Variants in BRINP3 observed in about 807,000 individuals in gnomAD.
BRINP3 encodes the protein BMP/retinoic acid inducible neural specific 3.
BRINP3 carries 19 observed loss-of-function variants against 71.0 expected under a neutral mutation model. That is an observed-to-expected ratio of 0.27 (90% CI 0.19 to 0.39). The LOEUF is 0.39. BRINP3 is among the 10% of genes least tolerant of loss of function. The pLI, the probability that BRINP3 is intolerant of heterozygous loss-of-function variation, is 1.00. For synonymous variants in BRINP3, 380 were observed against 337.7 expected, an observed-to-expected ratio of 1.13 and a Z score of -1.37; for missense variants, 959 against 940.8, an observed-to-expected ratio of 1.02 and a Z score of -0.25.
chr1:190,327,326 CAAAAAAAAAAAAAAA>C (rs1227478693), intron 2 of BRINP3, among the ~76,000 whole-genome samples: 1 of 44,232 alleles, frequency 2.3e-5, no homozygotes, highest in Admixed American at 3.1e-4. Context: ...AAAAAAAGAA[CAAAAAAAAAAAAAAA>C]AAAAAAAAAG....
chr1:190,197,808 T>A (rs1314515617), intron 6 of BRINP3, among the ~76,000 whole-genome samples: 1 of 152,160 alleles, frequency 6.6e-6, no homozygotes, highest in African/African-American at 2.4e-5. Context: ...GGTCTACCAT[T>A]CTGGGGTCTG....
At chr1:190,099,922 CT>C (rs1254309162) in intron 7 of BRINP3, among the ~76,000 whole-genome samples, 1 of 151,958 alleles carries the variant, frequency 6.6e-6, no homozygotes, top group South Asian at 2.1e-4. Context: ...TTCTGATTTT[CT>C]CGCATTATTT....
intron 4 of BRINP3, among the ~76,000 whole-genome samples, chr1:190,244,623 GCAAT>G (rs1200652835): frequency 6.6e-6 from 1 of 152,062 alleles, no homozygotes; most frequent in African/African-American, 2.4e-5. Context: ...TGCACACAAA[GCAAT>G]CTGTCACTGT....
chr1:190,324,980 A>G (rs1666484118), intron 2 of BRINP3, among the ~76,000 whole-genome samples: 1 of 151,912 alleles, frequency 6.6e-6, no homozygotes, highest in South Asian at 2.1e-4. Context: ...AGATGACTAA[A>G]CCAAAAGATT....
chr1:190,308,857 G>A (rs1199622983), intron 2 of BRINP3, among the ~76,000 whole-genome samples: 2 of 151,810 alleles, frequency 1.3e-5, no homozygotes, highest in African/African-American at 2.4e-5. Flanking sequence ...CTAAAATGGT[G>A]CAGACACTGT....
intron 2 of BRINP3, among the ~76,000 whole-genome samples, chr1:190,355,075 A>G (rs1187725779): frequency 6.6e-6 from 1 of 151,842 alleles, no homozygotes; most frequent in Non-Finnish European, 1.5e-5. Context: ...AATCCCTTAA[A>G]TCATATATGA....
At chr1:190,359,074 T>C (rs1668950182) in intron 2 of BRINP3, among the ~76,000 whole-genome samples, 1 of 151,908 alleles carries the variant, frequency 6.6e-6, no homozygotes, top group Non-Finnish European at 1.5e-5. Context: ...GACAAGTTAA[T>C]GGGTGCAGCA....
intron 7 of BRINP3, among the ~76,000 whole-genome samples, chr1:190,103,192 A>G (rs1266559351): frequency 1.3e-5 from 2 of 151,982 alleles, no homozygotes; most frequent in Non-Finnish European, 2.9e-5. Flanking sequence ...ATTCAAGCAA[A>G]TATTTGTTCA....
At chr1:190,226,466 G>T in intron 5 of BRINP3, 148 bp from the exon 6 acceptor site, 1 of 471,598 alleles carries the variant, frequency 2.1e-6, no homozygotes, top group Non-Finnish European at 3.7e-6. Context: ...AAATATCTAA[G>T]TCTATATGCT....
intron 4 of BRINP3, 87 bp downstream of exon 4, chr1:190,264,778 G>A: frequency 3.0e-6 from 3 of 1,012,562 alleles, no homozygotes; most frequent in Non-Finnish European, 4.3e-6. Flanking sequence ...TTAAATTCAT[G>A]GAATAAGCAA....
At chr1:190,334,284 C>T (rs1195553983) in intron 2 of BRINP3, among the ~76,000 whole-genome samples, 1 of 151,776 alleles carries the variant, frequency 6.6e-6, no homozygotes, top group Non-Finnish European at 1.5e-5. Context: ...TCAAGGAACA[C>T]TCTTGTCCAT....
Position 190,364,437 on chromosome 1 carries a change from A to T in BRINP3, c.237-82687T>A, listed in dbSNP as rs556296756. On this transcript the variant is annotated intron_variant, in intron 2 of 7. Transcript: ENST00000367462. ...ATTTTCAGTCTCTATATCTGATATC[A>T]GTATCAGACTATGCAATAAACAACG... 1.1e-4 allele frequency among the ~76,000 whole-genome samples: 16 copies of T among 152,190 alleles called. 2 individuals are homozygous for T. In the South Asian group the frequency reaches 3.3e-3, roughly 32 times the overall value.
At chr1:190,199,444 C>T (rs955222510) in intron 6 of BRINP3, among the ~76,000 whole-genome samples, 4 of 152,078 alleles carry the variant, frequency 2.6e-5, no homozygotes, top group African/African-American at 7.2e-5. Flanking sequence ...AAATGTCCAA[C>T]GTTTGATAGA....
rs1375182746 is a variant in BRINP3, at chr1:190,376,419, C to A, written c.236+78236G>T. Among the ~76,000 whole-genome samples, 3 of 152,122 alleles carry A rather than the reference C, an allele frequency of 2.0e-5. No homozygotes were observed. The East Asian group carries it at 5.8e-4, about 29-fold the overall frequency. On this transcript the variant is annotated intron_variant, in intron 2 of 7. Coordinates refer to ENST00000367462, the MANE Select transcript of BRINP3 (RefSeq NM_199051.3). ...GTGCTGTTAAATGAAATCAGGCTAT[C>A]ATCTGTCTGCCTACTTATTTATAAC...
At chr1:190,268,158 A>C (rs1661813165) in intron 3 of BRINP3, among the ~76,000 whole-genome samples, 1 of 152,160 alleles carries the variant, frequency 6.6e-6, no homozygotes, top group African/African-American at 2.4e-5. Flanking sequence ...ATATTAACAC[A>C]TCCAGAAACA....
intron 6 of BRINP3, among the ~76,000 whole-genome samples, chr1:190,217,396 C>T (rs1353809752): frequency 2.0e-5 from 3 of 151,880 alleles, no homozygotes; most frequent in South Asian, 2.1e-4. Flanking sequence ...AAAACTATTA[C>T]ATGTGCTCTT....
intron 2 of BRINP3, among the ~76,000 whole-genome samples, chr1:190,412,625 G>C: frequency 6.7e-6 from 1 of 150,204 alleles, no homozygotes; most frequent in Non-Finnish European, 1.5e-5. Context: ...ACTACGCCCG[G>C]CTAATTTTTT....
chr1:190,227,547 C>A (rs182638157), intron 5 of BRINP3, among the ~76,000 whole-genome samples: 1 of 151,502 alleles, frequency 6.6e-6, no homozygotes, highest in Non-Finnish European at 1.5e-5. Context: ...ATAAAAGATG[C>A]AACTATATAA....
intron 6 of BRINP3, among the ~76,000 whole-genome samples, chr1:190,203,479 G>GTA (rs557564894): frequency 0.043 from 6,284 of 147,004 alleles, 439 homozygotes; most frequent in African/African-American, 0.14. Context: ...GTGTGTGTGT[G>GTA]TATATATATA....
Sources: allele counts gnomAD v4.1 joint callset (sites outside exome capture counted in the v4.1 genomes callset), GRCh38; gene constraint gnomAD v4.1.1; transcripts MANE v1.5; gene names NCBI Gene and HGNC (gene_info 2026-07-23, HGNC 2026-07-21).